Variants in MGRN1 observed in about 807,000 individuals in gnomAD.
MGRN1 encodes E3 ubiquitin-protein ligase MGRN1.
MGRN1 carries 29 observed loss-of-function variants against 69.2 expected under a neutral mutation model. That is an observed-to-expected ratio of 0.42 (90% CI 0.31 to 0.57). The LOEUF (loss-of-function observed/expected upper bound fraction) is 0.57. MGRN1 is among the 20% of genes least tolerant of loss of function. The probability of loss-of-function intolerance (pLI) is 0.15; values close to 1 mark genes in which losing one functional copy is unlikely to be tolerated. For missense variants in MGRN1, 998 were observed against 796.2 expected, an observed-to-expected ratio of 1.25 and a Z score of -3.05; for synonymous variants, 470 against 344.2, an observed-to-expected ratio of 1.37 and a Z score of -4.04.
chr16:4,645,294 G>C (rs1255332877), intron 1 of MGRN1, among the ~76,000 whole-genome samples: 4 of 152,056 alleles, frequency 2.6e-5, no homozygotes, highest in African/African-American at 9.7e-5. Context: ...AGTGTCCTGA[G>C]TAGCTAGGAC....
chr16:4,687,407 T>C, intron 16 of MGRN1: 1 of 896,878 alleles, frequency 1.1e-6, no homozygotes, highest in South Asian at 5.1e-5. Flanking sequence ...GGCTTGGGCG[T>C]GGTAGCTTGT....
At chr16:4,676,939 C>T (rs983149678) in intron 10 of MGRN1, 1 of 152,626 alleles carries the variant, frequency 6.6e-6, no homozygotes, top group Admixed American at 6.5e-5. Flanking sequence ...GCATGACATC[C>T]CCACCTCAGC....
chr16:4,658,182 G>A (rs1236039609), intron 5 of MGRN1, among the ~76,000 whole-genome samples: 1 of 151,986 alleles, frequency 6.6e-6, no homozygotes, highest in African/African-American at 2.4e-5. Flanking sequence ...TTGTTTTCCA[G>A]CGTCCATCTG....
chr16:4,671,180 C>T, intron 8 of MGRN1: 1 of 588,130 alleles, frequency 1.7e-6, no homozygotes, highest in East Asian at 2.9e-5. Context: ...TGGGGAGAGC[C>T]ACCGGCTCCA....
At position 4,668,374 on chromosome 16, in the gene MGRN1, C is replaced by G. The variant is rs1377729552; in HGVS notation, c.726+62C>G. 7.1e-6 allele frequency: 11 copies of G among 1,543,104 alleles called. No individual in the cohort carries two copies. The East Asian group carries it at 2.0e-4, about 28-fold the overall frequency. Reference sequence around the variant, plus strand: ...AAAGACACACATATACAATCACTCACACGCATACTCATACATAGACACACA... The same window carrying G: ...AAAGACACACATATACAATCACTCAGACGCATACTCATACATAGACACACA... On this transcript the variant is annotated intron_variant, in intron 8 of 16. Coordinates refer to ENST00000262370, the MANE Select transcript of MGRN1 (RefSeq NM_015246.4).
chr16:4,652,688 G>A lies in MGRN1; in HGVS notation c.307G>A (p.Asp103Asn), dbSNP rs776858596. 16 of 1,612,576 alleles carry A rather than the reference G, an allele frequency of 9.9e-6. No homozygotes were observed. Among genetic ancestry groups the A allele is most frequent in the South Asian group, 2.2e-5 (2 of 90,956 alleles). The change falls in exon 4 of 17, where the codon GAT (aspartate) becomes AAT (asparagine). Residue 103 changes from aspartate (D) to asparagine (N), a missense_variant. Physicochemically the swap from Asp to Asn is conservative, Grantham distance 23. Transcript: ENST00000262370. ...DSLRLVRYKDDADSPTEDGDK... is the reference protein window; with the variant it reads ...DSLRLVRYKDNADSPTEDGDK... ...CACCGCCTGGGGTAGGTACAAAGAC[G>A]ATGCCGACAGCCCCACCGAGGACGG...
At chr16:4,627,805 G>A (rs1897761220) in intron 1 of MGRN1, among the ~76,000 whole-genome samples, 1 of 146,134 alleles carries the variant, frequency 6.8e-6, no homozygotes, top group South Asian at 2.2e-4. Context: ...AAAAGGCTGG[G>A]CGCGGTGGTT....
At chr16:4,628,175 A>G (rs1387672539) in intron 1 of MGRN1, among the ~76,000 whole-genome samples, 1 of 151,694 alleles carries the variant, frequency 6.6e-6, no homozygotes, top group Non-Finnish European at 1.5e-5. Flanking sequence ...TCACGAGGTC[A>G]GGAGATCGAG....
chr16:4,675,283 AT>A (rs141623271), intron 10 of MGRN1, among the ~76,000 whole-genome samples: 7 of 151,852 alleles, frequency 4.6e-5, no homozygotes, highest in Non-Finnish European at 8.8e-5. Flanking sequence ...TGTTTTTAAA[AT>A]TTTTTTTGTA....
rs1450030540 is a variant in MGRN1 at position 4,652,009 on chromosome 16, G to A, written c.254G>A (p.Arg85Gln). ...PAPHEPVKTL[R>Q]SLVNIRKDSL... ...CCCCACGAGCCCGTGAAGACGCTGCGGAGCCTGGTGAACATCCGCAAAGAC... is the reference window on the plus strand; with the variant it reads ...CCCCACGAGCCCGTGAAGACGCTGCAGAGCCTGGTGAACATCCGCAAAGAC... The change falls in exon 3 of 17, where the codon CGG becomes CAG. Residue 85 changes from arginine (R) to glutamine (Q), a missense_variant. Transcript: ENST00000262370. 5 of 1,613,890 alleles carry A rather than the reference G, an allele frequency of 3.1e-6. No homozygotes were observed. Among genetic ancestry groups the A allele is most frequent in the East Asian group, 2.2e-5 (1 of 44,882 alleles).
chr16:4,639,455 T>G (rs1240429335), intron 1 of MGRN1, among the ~76,000 whole-genome samples: 1 of 152,032 alleles, frequency 6.6e-6, no homozygotes, highest in Non-Finnish European at 1.5e-5. Context: ...CAGGTCAGGG[T>G]GCAGCAACCT....
rs755101650 is a variant in MGRN1 at position 4,673,531 on chromosome 16, G to C, written c.829G>C (p.Glu277Gln). Residue 277 changes from glutamate to glutamine, a missense_variant, in exon 10 of 17, where the codon GAG (glutamate) becomes CAG (glutamine). Physicochemically the swap from Glu to Gln is conservative, Grantham distance 29. Coordinates refer to ENST00000262370, the MANE Select transcript of MGRN1 (RefSeq NM_015246.4). ...SDDENSDNSN[E>Q]CVVCLSDLRD... ...CGACGAGAACAGCGACAACAGCAAC[G>C]AGTGTGTGGTGTGCCTGTCCGACCT... 1 of 1,613,650 alleles carries C rather than the reference G, an allele frequency of 6.2e-7. No individual in the cohort carries two copies. Among genetic ancestry groups the C allele is most frequent in the Non-Finnish European group, 8.5e-7 (1 of 1,179,998 alleles).
intron 1 of MGRN1, among the ~76,000 whole-genome samples, chr16:4,643,403 ATTTTTT>A (rs34438924): frequency 5.5e-5 from 6 of 109,822 alleles, no homozygotes; most frequent in African/African-American, 1.1e-4. Context: ...GCCTTGCTTG[ATTTTTT>A]TTTTTTTTTT....
In MGRN1 at chr16:4,625,027, T is replaced by C; in HGVS notation, c.67T>C (p.Tyr23His). 3.9e-6 allele frequency: 6 copies of C among 1,554,794 alleles called. No individual in the cohort carries two copies. Among genetic ancestry groups the C allele is most frequent in the Non-Finnish European group, 5.2e-6 (6 of 1,153,318 alleles). The change falls in exon 1 of 17, where the codon TAT becomes CAT. Residue 23 changes from tyrosine to histidine, a missense_variant. Coordinates refer to ENST00000262370, the MANE Select transcript of MGRN1 (RefSeq NM_015246.4). ...CATCGACATCCAGGCGAACTCGGCC[T>C]ATCGCTACCCTCCGAAGTCCGGTGA... The part of the protein sequence containing the change: ...EDIDIQANSA[Y>H]RYPPKSGNYF...
At chr16:4,664,870 G>C (rs1044700960) in intron 6 of MGRN1, 95 bp downstream of exon 6, 2 of 1,511,812 alleles carry the variant, frequency 1.3e-6, no homozygotes, top group Non-Finnish European at 1.8e-6. Flanking sequence ...GATGAAGCAG[G>C]CCAGGCATAG....
At chr16:4,626,889 C>T (rs563635056) in intron 1 of MGRN1, among the ~76,000 whole-genome samples, 2 of 152,338 alleles carry the variant, frequency 1.3e-5, no homozygotes, top group African/African-American at 4.8e-5. Context: ...GTTGCCAGTG[C>T]CAGCAGTGTT....
chr16:4,639,316 C>T (rs1330745937), intron 1 of MGRN1, among the ~76,000 whole-genome samples: 4 of 152,024 alleles, frequency 2.6e-5, no homozygotes, highest in African/African-American at 4.8e-5. Flanking sequence ...AGTTGGCCTG[C>T]GTGGTGGTCC....
chr16:4,688,735 A>T (rs765110350), intron 16 of MGRN1, 61 bp from the exon 17 acceptor site: 21 of 1,498,984 alleles, frequency 1.4e-5, no homozygotes, highest in Non-Finnish European at 1.9e-5. Context: ...GATCGGTAGG[A>T]GCGGGTGGCG....
At chr16:4,625,378 G>A (rs1376524556) in intron 1 of MGRN1, among the ~76,000 whole-genome samples, 2 of 152,234 alleles carry the variant, frequency 1.3e-5, no homozygotes, top group Admixed American at 6.5e-5. Context: ...GCTGAGCGCG[G>A]GTCCCGGCGC....
Sources: gnomAD v4.1 joint callset for allele counts (sites outside exome capture counted in the v4.1 genomes callset) on GRCh38, gnomAD v4.1.1 for gene constraint, MANE v1.5 for transcripts, NCBI Gene and HGNC (gene_info 2026-07-23, HGNC 2026-07-21) for gene names.